Variants in SCOC observed in about 807,000 individuals in gnomAD.
SCOC encodes short coiled-coil protein, also known as short coiled coil protein.
In SCOC, 7 loss-of-function variants were observed where a neutral mutation model predicts 9.9. That is an observed-to-expected ratio of 0.71 (90% confidence interval 0.40 to 1.33). The LOEUF (loss-of-function observed/expected upper bound fraction) is 1.33. Among genes scored for constraint, SCOC ranks in the 40% most tolerant of loss-of-function variants. The pLI, the probability that SCOC is intolerant of heterozygous loss-of-function variation, is 0.01. For synonymous variants in SCOC, 19 were observed against 28.2 expected, an observed-to-expected ratio of 0.67 and a Z score of 1.03; for missense variants, 66 against 89.7, an observed-to-expected ratio of 0.74 and a Z score of 1.07.
At chr4:140,328,542 G>A (rs1228323219) in intron 1 of SCOC, among the ~76,000 whole-genome samples, 2 of 152,120 alleles carry the variant, frequency 1.3e-5, no homozygotes, top group Non-Finnish European at 2.9e-5. Context: ...CTGCAATCCT[G>A]TAATTACAAG....
At chr4:140,300,042 A>G (rs1731768118) in intron 1 of SCOC, among the ~76,000 whole-genome samples, 1 of 152,134 alleles carries the variant, frequency 6.6e-6, no homozygotes, top group African/African-American at 2.4e-5. Flanking sequence ...TCTCATTTTC[A>G]GTGGCCAGAA....
chr4:140,363,215 A>C (rs1243792677), intron 2 of SCOC, among the ~76,000 whole-genome samples: 1 of 152,206 alleles, frequency 6.6e-6, no homozygotes, highest in African/African-American at 2.4e-5. Flanking sequence ...TGGGAGTAAG[A>C]GAGTCCTTAG....
At chr4:140,342,637 G>A (rs1356845427), upstream of SCOC, among the ~76,000 whole-genome samples, 3 of 152,162 alleles carry the variant, frequency 2.0e-5, no homozygotes, top group Non-Finnish European at 4.4e-5. Context: ...GCAGAATGTA[G>A]CATGTAGTAA....
At chr4:140,281,735 C>T (rs1731101583) in intron 1 of SCOC, among the ~76,000 whole-genome samples, 2 of 152,182 alleles carry the variant, frequency 1.3e-5, no homozygotes, top group Non-Finnish European at 2.9e-5. Flanking sequence ...CTTCTCCTTG[C>T]CACCTCACTA....
chr4:140,339,057 A>G (rs992249984), upstream of SCOC, among the ~76,000 whole-genome samples: 3 of 152,212 alleles, frequency 2.0e-5, no homozygotes, highest in African/African-American at 7.2e-5. Context: ...CTATACTACA[A>G]GGCTACAGTA....
intron 1 of SCOC, chr4:140,314,476 G>A (rs566602330): frequency 6.5e-6 from 1 of 152,780 alleles, no homozygotes; most frequent in Non-Finnish European, 1.5e-5. Flanking sequence ...GGTCTCCAGA[G>A]ATATGTCGTA....
chr4:140,368,776 T>C (rs1727916639), upstream of SCOC, among the ~76,000 whole-genome samples: 2 of 152,182 alleles, frequency 1.3e-5, no homozygotes, highest in Non-Finnish European at 2.9e-5. Flanking sequence ...ATCAGCACTT[T>C]ACATGAAATA....
At chr4:140,293,411 T>C (rs1342698229) in intron 1 of SCOC, 2 of 456,788 alleles carry the variant, frequency 4.4e-6, no homozygotes, top group Admixed American at 4.7e-5. Flanking sequence ...TGTAAGCTAT[T>C]TGTTGAGGTA....
chr4:140,339,906 A>G (rs1268375318), upstream of SCOC, among the ~76,000 whole-genome samples: 1 of 152,214 alleles, frequency 6.6e-6, no homozygotes, highest in Non-Finnish European at 1.5e-5. Flanking sequence ...TTCCTCAGGG[A>G]TCTAGAACTA....
At chr4:140,340,808 T>C (rs10026387), upstream of SCOC, among the ~76,000 whole-genome samples, 4,313 of 110,712 alleles carry the variant, frequency 0.039, 366 homozygotes, top group Middle Eastern at 0.073. Flanking sequence ...TTTTTTTTTT[T>C]AGAGGGATAG....
At chr4:140,336,840 C>T (rs1256169146) in intron 1 of SCOC, among the ~76,000 whole-genome samples, 1 of 152,204 alleles carries the variant, frequency 6.6e-6, no homozygotes, top group African/African-American at 2.4e-5. Context: ...TTTACATTCC[C>T]ACCAGCAATA....
At chr4:140,338,145 T>C (rs1178567802) in intron 1 of SCOC, among the ~76,000 whole-genome samples, 1 of 152,140 alleles carries the variant, frequency 6.6e-6, no homozygotes, top group Non-Finnish European at 1.5e-5. Flanking sequence ...TGGTTCAATA[T>C]ACGCAAATCA....
chr4:140,330,623 G>A (rs1043796116), intron 1 of SCOC, among the ~76,000 whole-genome samples: 2 of 152,146 alleles, frequency 1.3e-5, no homozygotes, highest in Non-Finnish European at 2.9e-5. Flanking sequence ...CAATTGCTTG[G>A]TTCAAGGAAG....
chr4:140,299,259 CTGTGCTAGCCAT>C (rs1433720800), intron 1 of SCOC, among the ~76,000 whole-genome samples: 2 of 152,222 alleles, frequency 1.3e-5, no homozygotes, highest in Admixed American at 6.5e-5. Flanking sequence ...CTGAAGAACA[CTGTGCTAGCCAT>C]TGTGAGGGAT....
intron 1 of SCOC, among the ~76,000 whole-genome samples, chr4:140,325,767 T>G (rs1732625965): frequency 6.6e-6 from 1 of 152,170 alleles, no homozygotes; most frequent in Admixed American, 6.5e-5. Flanking sequence ...GAGGACAATT[T>G]GGAAATTTCT....
chr4:140,354,897 C>T (rs1370520913), intron 2 of SCOC, among the ~76,000 whole-genome samples: 2 of 151,812 alleles, frequency 1.3e-5, no homozygotes, highest in Non-Finnish European at 2.9e-5. Context: ...AAAAGCAACC[C>T]GTCATCACTC....
chr4:140,284,122 A>T (rs1731164710), intron 1 of SCOC: 1 of 152,120 alleles, frequency 6.6e-6, no homozygotes, highest in African/African-American at 2.4e-5. Flanking sequence ...GACCTAAGAG[A>T]CTGAGTGAAG....
At chr4:140,297,108 C>T (rs1314562065) in intron 1 of SCOC, among the ~76,000 whole-genome samples, 2 of 152,190 alleles carry the variant, frequency 1.3e-5, no homozygotes, top group Non-Finnish European at 2.9e-5. Context: ...AAGTTAGCAG[C>T]ACCATTTCTC....
chr4:140,315,537 C>T (rs1435629062), intron 1 of SCOC, among the ~76,000 whole-genome samples: 2 of 152,190 alleles, frequency 1.3e-5, no homozygotes, highest in Admixed American at 1.3e-4. Context: ...AAACACATCT[C>T]ATCCAATTTC....
Sources: allele counts gnomAD v4.1 joint callset (sites outside exome capture counted in the v4.1 genomes callset), GRCh38; gene constraint gnomAD v4.1.1; transcripts MANE v1.5; gene names NCBI Gene and HGNC (gene_info 2026-07-23, HGNC 2026-07-21).